The following ZNF676 variants were observed in gnomAD, a reference collection of about 807,000 sequenced individuals.
The protein encoded by ZNF676 is zinc finger protein 676.
A neutral mutation model predicts 6.0 loss-of-function variants in ZNF676; 4 were observed. That is an observed-to-expected ratio of 0.67 (90% CI 0.33 to 1.53). ZNF676 has a LOEUF of 1.53. Among genes scored for constraint, ZNF676 ranks in the 40% most tolerant of loss-of-function variants. ZNF676 has a pLI of 0.06. For missense variants in ZNF676, 644 were observed against 679.7 expected, an observed-to-expected ratio of 0.95 and a Z score of 0.58; for synonymous variants, 198 against 223.1, an observed-to-expected ratio of 0.89 and a Z score of 1.00.
At position 22,196,601 on chromosome 19, in the gene ZNF676, C is replaced by A. The variant is rs1350754095; in HGVS notation, c.33G>T (p.Leu11=). The A allele has an allele frequency of 1.2e-6, 2 of 1,613,564 alleles. No individual in the cohort carries two copies. Among genetic ancestry groups the A allele is most frequent in the African/African-American group, 1.3e-5 (1 of 74,896 alleles). The change falls in exon 1 of 3, where the codon CTG becomes CTT. Residue 11 remains leucine, a splice_region_variant and synonymous_variant. Transcript: ENST00000397121. MLENYRNLVF[L]GIAAFKPDLI... is the part of the protein sequence containing the mutation. ...ATTGCGTATTAAAGTTATTCTCACC[C>A]AGGAAGACCAGGTTTCTGTAGTTCT... is the stretch of plus-strand genomic sequence containing the variant.
chr19:22,191,061 G>C (rs2023901132), intron 2 of ZNF676, among the ~76,000 whole-genome samples: 1 of 152,112 alleles, frequency 6.6e-6, no homozygotes, highest in African/African-American at 2.4e-5. Flanking sequence ...GTTAACATCT[G>C]TAATGACAGC....
At chr19:22,212,629 T>A (rs1169845803) in intron 1 of ZNF676, among the ~76,000 whole-genome samples, 1 of 151,034 alleles carries the variant, frequency 6.6e-6, no homozygotes, top group Non-Finnish European at 1.5e-5. Flanking sequence ...CACTTGAACT[T>A]GGGATGCAGA....
At chr19:22,219,194 G>A (rs2024224647), upstream of ZNF676, among the ~76,000 whole-genome samples, 1 of 151,160 alleles carries the variant, frequency 6.6e-6, no homozygotes, top group African/African-American at 2.4e-5. Flanking sequence ...TGCATCCCAG[G>A]TTCAAGTGAT....
At chr19:22,254,848 G>A in the ZNF676 span, among the ~76,000 whole-genome samples, 10 of 152,316 alleles carry the variant, frequency 6.6e-5, no homozygotes, top group East Asian at 1.9e-4. Flanking sequence ...AGGCAAAAGT[G>A]TAGTCTCACA....
chr19:22,226,343 ACCT>A, the ZNF676 span, among the ~76,000 whole-genome samples: 1 of 151,870 alleles, frequency 6.6e-6, no homozygotes, highest in African/African-American at 2.4e-5. Context: ...AAAGTTTATT[ACCT>A]CCTCTATTTC....
intron 1 of ZNF676, among the ~76,000 whole-genome samples, chr19:22,212,148 C>T (rs1455185365): frequency 1.4e-5 from 2 of 143,418 alleles, no homozygotes; most frequent in South Asian, 2.2e-4. Context: ...TGCAGCGAGC[C>T]GAGATCCCAC....
upstream of ZNF676, among the ~76,000 whole-genome samples, chr19:22,218,402 C>T (rs1293073349): frequency 4.0e-5 from 6 of 151,786 alleles, no homozygotes; most frequent in African/African-American, 4.8e-5. Flanking sequence ...GTCATGATCT[C>T]GGCTCACTAC....
At chr19:22,181,943 T>C (rs1599709541) in intron 2 of ZNF676, among the ~76,000 whole-genome samples, 1 of 149,728 alleles carries the variant, frequency 6.7e-6, no homozygotes, top group East Asian at 2.0e-4. Flanking sequence ...TTTTTTTTTT[T>C]AAGGAAAGTA....
At chr19:22,188,926 GCC>G (rs1228464462) in intron 2 of ZNF676, among the ~76,000 whole-genome samples, 1 of 152,038 alleles carries the variant, frequency 6.6e-6, no homozygotes, top group Non-Finnish European at 1.5e-5. Flanking sequence ...TGGCCATACT[GCC>G]CAAAGTAATT....
the ZNF676 span, among the ~76,000 whole-genome samples, chr19:22,237,464 CTTT>C: frequency 1.7e-5 from 1 of 59,438 alleles, no homozygotes; most frequent in African/African-American, 8.0e-5. Context: ...TCAAGCAGTT[CTTT>C]CTGAGTGTAG....
the ZNF676 span, among the ~76,000 whole-genome samples, chr19:22,249,489 C>T: frequency 5.9e-5 from 9 of 152,186 alleles, no homozygotes; most frequent in African/African-American, 1.7e-4. Context: ...CTCAGCTCAC[C>T]GCAACCTCTG....
chr19:22,180,263 C>G lies in ZNF676; in HGVS notation c.1454G>C (p.Gly485Ala), dbSNP rs2023714646. The change falls in exon 3 of 3, where the codon GGC (glycine) becomes GCC (alanine). Residue 485 changes from glycine to alanine, a missense_variant. Gly to Ala is a moderately conservative substitution (Grantham distance 60). This residue lies in a region of ZNF676 where 306 missense variants were observed against 265.4 expected (regional missense o/e 1.15). Transcript: ENST00000397121. ...KPYKCEECGK[G>A]FSTFSILTKH... Reference sequence around the variant, plus strand: ...AGTAAGGATTGAGAACGTACTAAAGCCTTTGCCACATTCTTCACATTTGTA... The same window carrying G: ...AGTAAGGATTGAGAACGTACTAAAGGCTTTGCCACATTCTTCACATTTGTA... The G allele has an allele frequency of 1.2e-6, 2 of 1,605,650 alleles. No individual in the cohort carries two copies. Among genetic ancestry groups the G allele is most frequent in the South Asian group, 1.1e-5 (1 of 90,778 alleles).
the ZNF676 span, among the ~76,000 whole-genome samples, chr19:22,241,234 T>C: frequency 6.6e-6 from 1 of 151,932 alleles, no homozygotes; most frequent in African/African-American, 2.4e-5. Context: ...GATCCTGAAA[T>C]GAAATTAACA....
At chr19:22,219,495 TTC>T (rs951069839), upstream of ZNF676, among the ~76,000 whole-genome samples, 3 of 152,144 alleles carry the variant, frequency 2.0e-5, no homozygotes, top group African/African-American at 7.2e-5. Context: ...CCAATTTAGA[TTC>T]TGTTTATTTT....
chr19:22,192,882 AAAAAAT>A, intron 2 of ZNF676, 128 bp downstream of exon 2: 1 of 1,009,976 alleles, frequency 9.9e-7, no homozygotes, highest in Non-Finnish European at 1.4e-6. Context: ...AGAGAAAATT[AAAAAAT>A]AAAAATAAAA....
the ZNF676 span, among the ~76,000 whole-genome samples, chr19:22,229,500 A>G: frequency 1.3e-5 from 2 of 152,238 alleles, no homozygotes; most frequent in Non-Finnish European, 1.5e-5. Context: ...AAATTGACAA[A>G]TGGGACCTAA....
chr19:22,230,374 G>C, the ZNF676 span, among the ~76,000 whole-genome samples: 1 of 152,036 alleles, frequency 6.6e-6, no homozygotes, highest in Non-Finnish European at 1.5e-5. Flanking sequence ...GAGATGAATA[G>C]TATTAGAAGA....
intron 1 of ZNF676, among the ~76,000 whole-genome samples, chr19:22,215,049 A>AAAAC (rs552766875): frequency 2.3e-4 from 26 of 111,390 alleles, no homozygotes; most frequent in East Asian, 7.0e-4. Flanking sequence ...TCAAAAAAAA[A>AAAAC]AAAAAAAAAA....
exon 1 of ZNF676, chr19:22,215,723 A>C: frequency 6.5e-7 from 1 of 1,537,450 alleles, no homozygotes; most frequent in Non-Finnish European, 8.9e-7. Context: ...GACTCTAGGA[A>C]CAGTAAGGAC....
Sources: allele counts gnomAD v4.1 joint callset (sites outside exome capture counted in the v4.1 genomes callset), GRCh38; gene constraint gnomAD v4.1.1; regional missense constraint gnomAD v4.1.1; transcripts MANE v1.5; gene names NCBI Gene and HGNC (gene_info 2026-07-23, HGNC 2026-07-21).